Variants in DYRK1B observed in about 807,000 individuals in gnomAD.
The protein encoded by DYRK1B is dual specificity tyrosine-phosphorylation-regulated kinase 1B.
A neutral mutation model predicts 57.1 loss-of-function variants in DYRK1B; 20 were observed. That is an observed-to-expected ratio of 0.35 (90% CI 0.25 to 0.51). The LOEUF (loss-of-function observed/expected upper bound fraction) is 0.51. Ranked by LOEUF, DYRK1B falls within the 20% of genes least tolerant of loss-of-function variation. The pLI is 0.96. For synonymous variants in DYRK1B, 409 were observed against 384.7 expected, an observed-to-expected ratio of 1.06 and a Z score of -0.74; for missense variants, 732 against 886.3, an observed-to-expected ratio of 0.83 and a Z score of 2.21.
chr19:39,830,279 G>A (rs1165961217), intron 4 of DYRK1B, 96 bp downstream of exon 4: 3 of 1,488,012 alleles, frequency 2.0e-6, no homozygotes, highest in Admixed American at 3.5e-5. Flanking sequence ...GGGCTAGGGT[G>A]AGTGGCCCAG....
intron 1 of DYRK1B, chr19:39,833,364 GA>G: frequency 1.0e-6 from 1 of 985,390 alleles, no homozygotes; most frequent in Non-Finnish European, 1.2e-6. Context: ...TGGCGGCGCT[GA>G]AAAGGCGACC....
chr19:39,827,014 G>GGGGGGGGGGGCCC, intron 8 of DYRK1B, 27 bp from the exon 9 acceptor site: 1 of 419,554 alleles, frequency 2.4e-6, no homozygotes, highest in Non-Finnish European at 4.3e-6. Flanking sequence ...GGGAGGGGGG[G>GGGGGGGGGGGCCC]CAAGAGAGTG....
chr19:39,829,951 T>C lies in DYRK1B; in HGVS notation c.449A>G (p.Asn150Ser), dbSNP rs760387886. 1 of 1,614,000 alleles carries C rather than the reference T, an allele frequency of 6.2e-7. No homozygotes were observed. Among genetic ancestry groups the C allele is most frequent in the Non-Finnish European group, 8.5e-7 (1 of 1,180,050 alleles). ...KIIKNKKAFLNQAQIELRLLE... is the reference protein window; with the variant it reads ...KIIKNKKAFLSQAQIELRLLE... ...CAGCCGCAGCTCAATCTGGGCCTGG[T>C]TCAGGAAAGCCTTTTTGTTCTTGAT... The change falls in exon 5 of 11, where the codon AAC becomes AGC. Residue 150 changes from asparagine (N) to serine (S), a missense_variant. Asn to Ser is a conservative substitution (Grantham distance 46). This residue lies in a region of DYRK1B where 510 missense variants were observed against 681.3 expected (regional missense o/e 0.75). Transcript: ENST00000323039.
At position 39,830,536 on chromosome 19, in the gene DYRK1B, C is replaced by A. The variant is rs1365698943; in HGVS notation, c.211G>T (p.Ala71Ser). The A allele has an allele frequency of 6.2e-7, 1 of 1,614,132 alleles. No homozygotes were observed. The highest frequency in any genetic ancestry group is 2.2e-5 in the East Asian group (1 of 44,890). ...GAATCCTGGGGTGGCGCCTGCTGGG[C>A]CCGCCGCTTCTTCTTCGCATAGTAT... ...EVYYAKKKRR[A>S]QQAPPQDSSN... The change falls in exon 4 of 11, where the codon GCC (alanine) becomes TCC (serine). Residue 71 changes from alanine (A) to serine (S), a missense_variant. By Grantham distance (99) the Ala-to-Ser change is moderately conservative (BLOSUM62 1). Coordinates refer to ENST00000323039, the MANE Select transcript of DYRK1B (RefSeq NM_004714.3).
intron 6 of DYRK1B, 24 bp from the exon 7 acceptor site, chr19:39,827,680 G>T: frequency 6.2e-7 from 1 of 1,606,812 alleles, no homozygotes; most frequent in Non-Finnish European, 8.5e-7. Flanking sequence ...AATCGTCAAG[G>T]GACCCAGCCT....
chr19:39,826,926 G>A lies in DYRK1B; in HGVS notation c.1157C>T (p.Pro386Leu). The A allele has an allele frequency of 7.2e-7, 1 of 1,387,158 alleles. No homozygotes were observed. The highest frequency in any genetic ancestry group is 9.3e-7 in the Non-Finnish European group (1 of 1,077,454). The allele number at this position is 1,387,158 out of a possible 1,614,324, so 85.9% of individuals were successfully genotyped here. The change falls in exon 9 of 11, where the codon CCC becomes CTC. Residue 386 changes from proline (P) to leucine (L), a missense_variant. Coordinates refer to ENST00000323039, the MANE Select transcript of DYRK1B (RefSeq NM_004714.3). The surrounding 1 kb of genome is among the most constrained non-coding windows in gnomAD (Gnocchi z 6.3). The part of the protein sequence containing the change: ...QEVLGVQTGG[P>L]GGRRAGEPGH... ...CGGCTCCCCCGCCCGCCGGCCCCCG[G>A]GCCCGCCCGTCTGCACGCCCAGCAC...
At position 39,826,955 on chromosome 19, in the gene DYRK1B, C is replaced by T; in HGVS notation, c.1128G>A (p.Gln376=). 1 of 1,333,870 alleles carries T rather than the reference C, an allele frequency of 7.5e-7. No individual in the cohort carries two copies. Among genetic ancestry groups the T allele is most frequent in the Non-Finnish European group, 9.6e-7 (1 of 1,037,270 alleles). 82.6% of individuals were successfully genotyped at this position (1,333,870 alleles called of 1,614,324 possible). Residue 376 remains glutamine, a synonymous_variant, in exon 9 of 11, where the codon CAG becomes CAA. Coordinates refer to ENST00000323039, the MANE Select transcript of DYRK1B (RefSeq NM_004714.3). The surrounding 1 kb of genome is among the most constrained non-coding windows in gnomAD (Gnocchi z 6.3). ...CGCCCGTCTGCACGCCCAGCACCTC[C>T]TGCAGCCGCCGTGTCCCGGGGCCCT... ...DYQGPGTRRL[Q]EVLGVQTGGP... is the part of the protein sequence containing the mutation.
rs956551635 is a variant in DYRK1B at position 39,825,587 on chromosome 19, G to C, written c.*128C>G. The C allele has an allele frequency of 9.7e-7, 1 of 1,029,904 alleles. No individual in the cohort carries two copies. The highest frequency in any genetic ancestry group is 1.4e-6 in the Non-Finnish European group (1 of 705,680). 63.8% of individuals were successfully genotyped at this position (1,029,904 alleles called of 1,614,324 possible). On this transcript the variant is annotated 3_prime_UTR_variant, in exon 11 of 11. Coordinates refer to ENST00000323039, the MANE Select transcript of DYRK1B (RefSeq NM_004714.3). ...ACCCCCCTGCCCCAGGCCCCAATCA[G>C]TGCAGGCCTCACCCACCCCAGCTGG...
rs1441495413 is a variant in DYRK1B at position 39,825,468 on chromosome 19, CACT to C, written c.*244_*246del. 19 of 529,846 alleles carry C rather than the reference CACT, an allele frequency of 3.6e-5. No individual in the cohort carries two copies. Among genetic ancestry groups the C allele is most frequent in the South Asian group, 1.2e-4 (5 of 43,180 alleles). The allele number at this position is 529,846 out of a possible 1,614,324, so 32.8% of individuals were successfully genotyped here. On this transcript the variant is annotated 3_prime_UTR_variant, in exon 11 of 11. Transcript: ENST00000323039. ...GGGGGTCTTCCCTCCACCGGACCAC[CACT>C]GTCTTTGGTACAATAAATAGAAAAA...
At chr19:39,827,163 G>A in intron 8 of DYRK1B, 122 bp downstream of exon 8, 2 of 1,344,068 alleles carry the variant, frequency 1.5e-6, no homozygotes, top group Non-Finnish European at 2.0e-6. Context: ...AGGAAGGAAA[G>A]GACAGACAAG....
At chr19:39,832,788 C>G (rs1478685792) in intron 1 of DYRK1B, among the ~76,000 whole-genome samples, 4 of 152,114 alleles carry the variant, frequency 2.6e-5, no homozygotes, top group Admixed American at 1.3e-4. Context: ...CCAATTCCCC[C>G]TACCACAACA....
In DYRK1B at chr19:39,825,977, G is replaced by T. The variant is rs781395165; in HGVS notation, c.1628C>A (p.Pro543His). The T allele has an allele frequency of 6.6e-7, 1 of 1,524,574 alleles. No homozygotes were observed. Among genetic ancestry groups the T allele is most frequent in the South Asian group, 1.3e-5 (1 of 76,486 alleles). The allele number at this position is 1,524,574 out of a possible 1,614,324, so 94.4% of individuals were successfully genotyped here. ...SSLPGTGAQL[P>H]PQPRYLGRPP... ...ACGACCAAGGTATCGGGGCTGGGGG[G>T]GTAACTGGGCCCCGGTCCCAGGCAG... is the stretch of plus-strand genomic sequence containing the variant. Residue 543 changes from proline (P) to histidine (H), a missense_variant, in exon 11 of 11, where the codon CCC becomes CAC. By Grantham distance (77) the Pro-to-His change is moderately conservative. Coordinates refer to ENST00000323039, the MANE Select transcript of DYRK1B (RefSeq NM_004714.3).
Position 39,830,035 on chromosome 19 carries a change from G to A in DYRK1B, c.373-8C>T. On this transcript the variant is annotated splice_polypyrimidine_tract_variant and splice_region_variant and intron_variant, in intron 4 of 10. Transcript: ENST00000323039. ...ATCATAGGCTTTCACCACCTGTTGG[G>A]GCAGGGCATGTCACGAAGAAAGGGG... is the stretch of plus-strand genomic sequence containing the variant. 1 of 1,613,734 alleles carries A rather than the reference G, an allele frequency of 6.2e-7. No individual in the cohort carries two copies. Among genetic ancestry groups the A allele is most frequent in the Non-Finnish European group, 8.5e-7 (1 of 1,179,836 alleles).
Position 39,826,185 on chromosome 19 carries a change from G to C in DYRK1B, c.1513C>G (p.Pro505Ala), listed in dbSNP as rs747497991. 1 of 1,590,904 alleles carries C rather than the reference G, an allele frequency of 6.3e-7. No homozygotes were observed. Among genetic ancestry groups the C allele is most frequent in the African/African-American group, 1.4e-5 (1 of 73,426 alleles). The change falls in exon 10 of 11, where the codon CCC becomes GCC. Residue 505 changes from proline (P) to alanine (A), a missense_variant. Transcript: ENST00000323039. The surrounding 1 kb of genome is among the most constrained non-coding windows in gnomAD (Gnocchi z 6.3). Reference protein sequence around the residue: ...PPITDCEMNSPQVPPSQPLRP... With the variant: ...PPITDCEMNSAQVPPSQPLRP... ...AGCCCCCAAAGCCCCATTACCTGGG[G>C]GCTGTTCATCTCACAGTCTGTGATA...
rs772833215 is a variant in DYRK1B at position 39,826,102 on chromosome 19, A to G, written c.1519-16T>C. The G allele has an allele frequency of 5.2e-6, 8 of 1,536,696 alleles. No individual in the cohort carries two copies. In the Admixed American group the frequency reaches 1.8e-4, roughly 34 times the overall value. On this transcript the variant is annotated splice_polypyrimidine_tract_variant and intron_variant, in intron 10 of 10. Transcript: ENST00000323039. The surrounding 1 kb of genome is among the most constrained non-coding windows in gnomAD (Gnocchi z 6.3). ...AGGGTGGGACCTAAAAAAGCAAAGGAGCCATGGGTGATGGAGACCCTGGTC... is the reference window on the plus strand; with the variant it reads ...AGGGTGGGACCTAAAAAAGCAAAGGGGCCATGGGTGATGGAGACCCTGGTC...
In DYRK1B at chr19:39,833,968, G is replaced by A. The variant is rs533438896; in HGVS notation, c.-102+55C>T. The A allele has an allele frequency of 2.2e-4, 34 of 155,072 alleles. No homozygotes were observed. The South Asian group carries it at 5.1e-3, about 23-fold the overall frequency. 9.6% of individuals were successfully genotyped at this position (155,072 alleles called of 1,614,324 possible). ...CGGCGACGGGAGCAGGGCGGATCCC[G>A]TCCTGCCCACCTCCCTGCGACCGCT... On this transcript the variant is annotated intron_variant, in intron 1 of 10. Transcript: ENST00000323039.
chr19:39,827,592 T>C lies in DYRK1B; in HGVS notation c.872A>G (p.Asp291Gly). ...CAGGGACCACATGTCAATGGCCAGG[T>C]CGTAGGGTGTGCCCAGGAGCACCTC... ...SPEVLLGTPYDLAIDMWSLGC... is the reference protein window; with the variant it reads ...SPEVLLGTPYGLAIDMWSLGC... Residue 291 changes from aspartate to glycine, a missense_variant, in exon 7 of 11, where the codon GAC becomes GGC. Coordinates refer to ENST00000323039, the MANE Select transcript of DYRK1B (RefSeq NM_004714.3). 6.2e-7 allele frequency: 1 copy of C among 1,614,062 alleles called. No homozygotes were observed. Among genetic ancestry groups the C allele is most frequent in the Non-Finnish European group, 8.5e-7 (1 of 1,179,970 alleles).
At position 39,831,907 on chromosome 19, in the gene DYRK1B, G is replaced by T. The variant is rs1270611600; in HGVS notation, c.-40C>A. On this transcript the variant is annotated 5_prime_UTR_variant, in exon 2 of 11. Transcript: ENST00000323039. ...GCCGCAGGGGAGCGAGGCCTGGAGC[G>T]GGAGCCCGGCCGGGGGGCGCCTTCT... 6.9e-7 allele frequency: 1 copy of T among 1,444,560 alleles called. No homozygotes were observed. The highest frequency in any genetic ancestry group is 1.4e-5 in the South Asian group (1 of 70,062). 89.5% of individuals were successfully genotyped at this position (1,444,560 alleles called of 1,614,324 possible). A position where few individuals can be genotyped will look rare whatever the true frequency, so the allele number is the denominator to read the frequency against.
intron 4 of DYRK1B, 45 bp from the exon 5 acceptor site, chr19:39,830,072 C>G (rs371395464): frequency 1.2e-6 from 2 of 1,600,292 alleles, no homozygotes; most frequent in Non-Finnish European, 1.7e-6. Flanking sequence ...GGGAGCAGGG[C>G]AGAGCCAGGC....
Sources: allele counts gnomAD v4.1 joint callset (sites outside exome capture counted in the v4.1 genomes callset), GRCh38; gene constraint gnomAD v4.1.1; regional missense constraint gnomAD v4.1.1; non-coding constraint Gnocchi (gnomAD v3.1); transcripts MANE v1.5; gene names NCBI Gene and HGNC (gene_info 2026-07-23, HGNC 2026-07-21).